The following TENT4A variants were observed in gnomAD, a reference collection of about 807,000 sequenced individuals.
TENT4A encodes DNA polymerase kappa.
In TENT4A, 7 loss-of-function variants were observed where a neutral mutation model predicts 72.8. The ratio of observed to expected loss-of-function variants is 0.10; its 90% CI spans 0.05 to 0.18. The LOEUF is 0.18. Ranked by LOEUF, TENT4A falls within the 10% of genes least tolerant of loss-of-function variation. The probability of loss-of-function intolerance (pLI) is 1.00; values close to 1 mark genes in which losing one functional copy is unlikely to be tolerated. For missense variants in TENT4A, 831 were observed against 1,017.7 expected (o/e 0.82, Z 2.50); for synonymous variants, 456 against 434.3 (o/e 1.05, Z -0.62).
chr5:6,748,686 G>T, intron 8 of TENT4A, 96 bp downstream of exon 8: 2 of 1,296,198 alleles, frequency 1.5e-6, no homozygotes, highest in Non-Finnish European at 1.1e-6. Flanking sequence ...TTTATGAAGG[G>T]ATGTTCTGCC....
At chr5:6,720,774 C>T (rs571325442) in intron 1 of TENT4A, among the ~76,000 whole-genome samples, 2 of 152,232 alleles carry the variant, frequency 1.3e-5, no homozygotes, top group African/African-American at 4.8e-5. Context: ...TTGAAAAGTC[C>T]TGTTCACGAG....
rs1039859782 is a variant in TENT4A at position 6,754,782 on chromosome 5, G to C, written c.2216G>C (p.Gly739Ala). 4.4e-6 allele frequency: 7 copies of C among 1,596,372 alleles called. No individual in the cohort carries two copies. The highest frequency in any genetic ancestry group is 6.0e-6 in the Non-Finnish European group (7 of 1,166,176). The change falls in exon 13 of 13, where the codon GGC becomes GCC. Residue 739 changes from glycine (G) to alanine (A), a missense_variant. Physicochemically the swap from Gly to Ala is moderately conservative, Grantham distance 60. Around this residue, in one of 3 missense-constraint regions of TENT4A, gnomAD observed 332 missense variants for 324.3 expected, o/e 1.02. Transcript: ENST00000230859. ...AACGGCATGAAACTGTCCATGAAGG[G>C]CTCTCACGGCCACACCCAAGGCGGC... is the stretch of plus-strand genomic sequence containing the variant. ...QHNGMKLSMK[G>A]SHGHTQGGGY...
At chr5:6,731,034 A>T (rs1741185764) in intron 1 of TENT4A, among the ~76,000 whole-genome samples, 1 of 152,226 alleles carries the variant, frequency 6.6e-6, no homozygotes, top group Admixed American at 6.5e-5. Flanking sequence ...GCGATGTAGT[A>T]GTGTCTGAAT....
chr5:6,742,962 G>T (rs1741890956), intron 5 of TENT4A, among the ~76,000 whole-genome samples: 2 of 152,164 alleles, frequency 1.3e-5, no homozygotes, highest in South Asian at 4.1e-4. Context: ...ACTTTGGGAG[G>T]TCTCAGTGCC....
chr5:6,736,574 A>G (rs939487820), intron 1 of TENT4A, among the ~76,000 whole-genome samples: 6 of 152,236 alleles, frequency 3.9e-5, no homozygotes, highest in African/African-American at 1.4e-4. Context: ...ATCTTTAATT[A>G]ATCCCTTAAA....
chr5:6,743,981 C>T (rs558700268), intron 6 of TENT4A, 141 bp downstream of exon 6: 285 of 750,166 alleles, frequency 3.8e-4, no homozygotes, highest in Non-Finnish European at 5.5e-4. Context: ...ATTTCTGATT[C>T]TTACAATCAA....
At chr5:6,736,904 C>A (rs1350985645) in intron 1 of TENT4A, among the ~76,000 whole-genome samples, 2 of 152,260 alleles carry the variant, frequency 1.3e-5, no homozygotes, top group African/African-American at 4.8e-5. Flanking sequence ...AGCTTTTCTG[C>A]CTCCAGGGAC....
Position 6,753,040 on chromosome 5 carries a change from AT to A in TENT4A, c.2184+4del. 1 of 1,613,142 alleles carries A rather than the reference AT, an allele frequency of 6.2e-7. No homozygotes were observed. The highest frequency in any genetic ancestry group is 1.3e-5 in the African/African-American group (1 of 75,034). ...CGAGCCCTCATCTGTATCATAAGGT[AT>A]AGCTCTGTCCTGGTGCATTCACCTA... On this transcript the variant is annotated splice_donor_region_variant and intron_variant, in intron 12 of 12. Transcript: ENST00000230859.
intron 3 of TENT4A, 72 bp downstream of exon 3, chr5:6,738,801 A>C (rs561140598): frequency 9.1e-7 from 1 of 1,103,344 alleles, no homozygotes; most frequent in Admixed American, 1.8e-5. Flanking sequence ...AAGGGCTACA[A>C]ATAGATTCTT....
rs1579475889 is a variant in TENT4A, at chr5:6,737,435, C to G, written c.717-75C>G. ...GCCAGAAATATGTTTGAGCGTCATC[C>G]TGATGTAAGAACAGAACAGAAAATG... is the stretch of plus-strand genomic sequence containing the variant. On this transcript the variant is annotated intron_variant, in intron 1 of 12. Coordinates refer to ENST00000230859, the MANE Select transcript of TENT4A (RefSeq NM_006999.6). 48 of 1,321,174 alleles carry G rather than the reference C, an allele frequency of 3.6e-5. No individual in the cohort carries two copies. In the East Asian group the frequency reaches 1.2e-3, roughly 33 times the overall value. The allele number at this position is 1,321,174 out of a possible 1,614,324, so 81.8% of individuals were successfully genotyped here.
At chr5:6,720,121 C>T (rs1327385223) in intron 1 of TENT4A, among the ~76,000 whole-genome samples, 4 of 152,202 alleles carry the variant, frequency 2.6e-5, no homozygotes, top group Non-Finnish European at 5.9e-5. Context: ...AAGCAAGGTA[C>T]TTTGAATTTC....
intron 7 of TENT4A, among the ~76,000 whole-genome samples, chr5:6,747,294 G>A (rs1282720219): frequency 6.6e-6 from 1 of 152,158 alleles, no homozygotes; most frequent in African/African-American, 2.4e-5. Context: ...CTGTCCGCCC[G>A]GTTGCTGGCT....
intron 12 of TENT4A, 26 bp downstream of exon 12, chr5:6,753,063 C>T: frequency 6.4e-7 from 1 of 1,568,530 alleles, no homozygotes; most frequent in Non-Finnish European, 8.7e-7. Context: ...GGTGCATTCA[C>T]CTACCTGTTC....
At chr5:6,750,992 A>C (rs1397934293) in intron 10 of TENT4A, 47 bp from the exon 11 acceptor site, 1 of 1,599,676 alleles carries the variant, frequency 6.3e-7, no homozygotes, top group East Asian at 2.2e-5. Context: ...GTAGTAGTGC[A>C]CCTTTGTGGT....
chr5:6,752,791 T>C, intron 11 of TENT4A, 82 bp from the exon 12 acceptor site: 6 of 1,264,252 alleles, frequency 4.7e-6, no homozygotes, highest in Non-Finnish European at 6.8e-6. Flanking sequence ...TCAGCTGCCC[T>C]TTGGTGGTGC....
intron 1 of TENT4A, among the ~76,000 whole-genome samples, chr5:6,733,629 G>A (rs966359830): frequency 6.6e-6 from 1 of 152,264 alleles, no homozygotes; most frequent in African/African-American, 2.4e-5. Context: ...GGTTTGGTAT[G>A]TGAGAACATA....
chr5:6,750,766 C>A, intron 10 of TENT4A: 1 of 548,798 alleles, frequency 1.8e-6, no homozygotes, highest in South Asian at 2.8e-5. Flanking sequence ...AGTGGACTTC[C>A]TTGAGTAGTT....
chr5:6,746,384 G>C lies in TENT4A; in HGVS notation c.1416G>C (p.Gly472=). ...KEEIMKAMTS[G]YRPSMLCIED... ...AGATCATGAAAGCCATGACCAGCGGGTACAGACCGTCGATGCTGTGCATTG... is the reference window on the plus strand; with the variant it reads ...AGATCATGAAAGCCATGACCAGCGGCTACAGACCGTCGATGCTGTGCATTG... The change falls in exon 7 of 13, where the codon GGG becomes GGC. Residue 472 remains glycine, a synonymous_variant. Transcript: ENST00000230859. The C allele has an allele frequency of 3.1e-6, 5 of 1,614,180 alleles. No individual in the cohort carries two copies. The highest frequency in any genetic ancestry group is 4.2e-6 in the Non-Finnish European group (5 of 1,180,034).
At chr5:6,725,844 A>G (rs1740891893) in intron 1 of TENT4A, among the ~76,000 whole-genome samples, 1 of 152,228 alleles carries the variant, frequency 6.6e-6, no homozygotes, top group Admixed American at 6.5e-5. Context: ...CTTTACATAA[A>G]TTTGCCAAAT....
Sources: allele counts gnomAD v4.1 joint callset (sites outside exome capture counted in the v4.1 genomes callset), GRCh38; gene constraint gnomAD v4.1.1; regional missense constraint gnomAD v4.1.1; transcripts MANE v1.5; gene names NCBI Gene and HGNC (gene_info 2026-07-23, HGNC 2026-07-21).